TENT4B: variants seen among roughly 807,000 people sequenced by gnomAD.
TENT4B encodes PAP associated domain containing 5.
Under a neutral mutation model 75.0 loss-of-function variants are expected in TENT4B, and 10 were observed. The observed-to-expected ratio is 0.13, with a 90% confidence interval of 0.08 to 0.23. The LOEUF is 0.23. TENT4B is among the 10% of genes least tolerant of loss of function. TENT4B has a pLI of 1.00. For synonymous variants in TENT4B, 350 were observed against 357.7 expected (o/e 0.98, Z 0.24); for missense variants, 579 against 893.8 (o/e 0.65, Z 4.49).
intron 1 of TENT4B, among the ~76,000 whole-genome samples, chr16:50,169,015 C>T (rs779075736): frequency 5.3e-5 from 8 of 152,118 alleles, no homozygotes; most frequent in Admixed American, 1.3e-4. Context: ...AAGGCATAAT[C>T]GTAACACCAT....
In TENT4B at chr16:50,217,628, G is replaced by C; in HGVS notation, c.1003G>C (p.Val335Leu). The stretch of plus-strand genomic sequence containing the variant: ...TATCAGCTTTAATGTACAGAATGGC[G>C]TGAGAGCAGCTGACCTCATCAAAGA... ...VDISFNVQNGVRAADLIKDFT... is the reference protein window; with the variant it reads ...VDISFNVQNGLRAADLIKDFT... Residue 335 changes from valine to leucine, a missense_variant, in exon 5 of 12, where the codon GTG (valine) becomes CTG (leucine). Val to Leu is a conservative substitution (Grantham distance 32, BLOSUM62 1). Coordinates refer to ENST00000561678, the MANE Select transcript of TENT4B (RefSeq NM_001365324.3). 1 of 1,534,984 alleles carries C rather than the reference G, an allele frequency of 6.5e-7. No homozygotes were observed. Among genetic ancestry groups the C allele is most frequent in the Non-Finnish European group, 8.7e-7 (1 of 1,143,072 alleles).
chr16:50,219,993 ATT>A (rs71138054), intron 5 of TENT4B, among the ~76,000 whole-genome samples: 85 of 140,052 alleles, frequency 6.1e-4, no homozygotes, highest in Middle Eastern at 3.7e-3. Flanking sequence ...TTTTTTTTTA[ATT>A]TTTTTTTTTT....
chr16:50,153,272 C>T (rs1221602939), upstream of TENT4B, among the ~76,000 whole-genome samples: 1 of 138,648 alleles, frequency 7.2e-6, no homozygotes, highest in Non-Finnish European at 1.6e-5. Flanking sequence ...GCAGGCGCGT[C>T]TCGCTGCCGC....
At chr16:50,169,823 A>G (rs919607059) in intron 1 of TENT4B, among the ~76,000 whole-genome samples, 2 of 152,120 alleles carry the variant, frequency 1.3e-5, no homozygotes, top group Non-Finnish European at 2.9e-5. Context: ...AGTGAACTCT[A>G]CTGGGCTTTT....
chr16:50,176,389 A>G (rs1342834452), intron 1 of TENT4B, among the ~76,000 whole-genome samples: 1 of 151,072 alleles, frequency 6.6e-6, no homozygotes, highest in African/African-American at 2.4e-5. Flanking sequence ...CCAGCCTACA[A>G]TTTATTTGTA....
In TENT4B at chr16:50,229,430, G is replaced by C; in HGVS notation, c.*102G>C. 7.2e-7 allele frequency: 1 copy of C among 1,383,556 alleles called. No individual in the cohort carries two copies. The highest frequency in any genetic ancestry group is 9.3e-7 in the Non-Finnish European group (1 of 1,069,608). The allele number at this position is 1,383,556 out of a possible 1,614,324, so 85.7% of individuals were successfully genotyped here. A position where few individuals can be genotyped will look rare whatever the true frequency, so the allele number is the denominator to read the frequency against. On this transcript the variant is annotated 3_prime_UTR_variant, in exon 12 of 12. Transcript: ENST00000561678. The stretch of plus-strand genomic sequence containing the variant: ...ATATTCAGGAGCCTCACACTGTTCA[G>C]ACGTTGACTTAGCAACTGCGTTTTT...
intron 1 of TENT4B, among the ~76,000 whole-genome samples, chr16:50,172,228 G>A (rs1332212569): frequency 6.6e-6 from 1 of 152,020 alleles, no homozygotes; most frequent in African/African-American, 2.4e-5. Flanking sequence ...GGTGGTGCAT[G>A]CCTGTAATCC....
chr16:50,184,698 A>G (rs933339054), intron 1 of TENT4B, among the ~76,000 whole-genome samples: 3 of 151,882 alleles, frequency 2.0e-5, no homozygotes, highest in African/African-American at 4.8e-5. Context: ...TAATGCTGCC[A>G]TCATGCTTGA....
chr16:50,229,114 A>G (rs1478415366), intron 11 of TENT4B, 38 bp from the exon 12 acceptor site: 34 of 1,602,574 alleles, frequency 2.1e-5, no homozygotes, highest in Non-Finnish European at 2.6e-5. Flanking sequence ...GCTTTTCTGC[A>G]ATACTGATGT....
chr16:50,223,336 C>T lies in TENT4B; in HGVS notation c.1330C>T (p.Leu444=). 6.2e-7 allele frequency: 1 copy of T among 1,613,586 alleles called. No individual in the cohort carries two copies. Residue 444 remains leucine, a synonymous_variant, in exon 7 of 12, where the codon CTA becomes TTA. Coordinates refer to ENST00000561678, the MANE Select transcript of TENT4B (RefSeq NM_001365324.3). ...CAAAGATGAAGTACAGAAAAATATGCTAGATGGCTACAGGCCATCAATGCT... is the reference window on the plus strand; with the variant it reads ...CAAAGATGAAGTACAGAAAAATATGTTAGATGGCTACAGGCCATCAATGCT... ...VAKDEVQKNM[L]DGYRPSMLYI...
At chr16:50,155,509 A>G (rs1025424829) in intron 1 of TENT4B, among the ~76,000 whole-genome samples, 1 of 152,220 alleles carries the variant, frequency 6.6e-6, no homozygotes, top group South Asian at 2.1e-4. Flanking sequence ...TCTGGATAAA[A>G]TGAGTTGGTG....
intron 1 of TENT4B, among the ~76,000 whole-genome samples, chr16:50,183,873 C>T (rs374913330): frequency 2.8e-4 from 43 of 152,126 alleles, no homozygotes; most frequent in African/African-American, 5.3e-4. Flanking sequence ...GGTGAAACCC[C>T]GTCTCTACTA....
chr16:50,224,582 T>C (rs1191814293), intron 7 of TENT4B, 75 bp from the exon 8 acceptor site: 5 of 1,578,142 alleles, frequency 3.2e-6, no homozygotes, highest in Non-Finnish European at 4.3e-6. Context: ...CTTGCTCTCC[T>C]GGAAGAGAGT....
intron 1 of TENT4B, among the ~76,000 whole-genome samples, chr16:50,194,142 A>G (rs1255626980): frequency 2.0e-5 from 3 of 150,824 alleles, no homozygotes; most frequent in Non-Finnish European, 4.4e-5. Context: ...ATTGATTTTC[A>G]TAAATTTTTT....
rs930298713 is a variant in TENT4B, at chr16:50,153,395, G to C, written c.-227G>C. On this transcript the variant is annotated 5_prime_UTR_variant, in exon 1 of 12. Transcript: ENST00000561678. Reference sequence around the variant, plus strand: ...CGGAGGGGCGGAGGGGCGGAGGGAGGGGGGGAGGGCCCGCGGAGCCCCCGA... The same window carrying C: ...CGGAGGGGCGGAGGGGCGGAGGGAGCGGGGGAGGGCCCGCGGAGCCCCCGA... Among the ~76,000 whole-genome samples, 9 of 146,410 alleles carry C rather than the reference G, an allele frequency of 6.1e-5. No individual in the cohort carries two copies. Among genetic ancestry groups the C allele is most frequent in the African/African-American group, 2.2e-4 (9 of 40,852 alleles).
rs896911788 is a variant in TENT4B, at chr16:50,214,110, A to T, written c.763-111A>T. On this transcript the variant is annotated intron_variant, in intron 2 of 11. Coordinates refer to ENST00000561678, the MANE Select transcript of TENT4B (RefSeq NM_001365324.3). ...GAAAAAAATGCTCTTGTCATACCAAAAAGTACCAGTAGAGGGTAGCAAAAA... is the reference window on the plus strand; with the variant it reads ...GAAAAAAATGCTCTTGTCATACCAATAAGTACCAGTAGAGGGTAGCAAAAA... The T allele has an allele frequency of 5.4e-5, 42 of 778,250 alleles. No individual in the cohort carries two copies. The South Asian group carries it at 6.9e-4, about 13-fold the overall frequency. The allele number at this position is 778,250 out of a possible 1,614,324, so 48.2% of individuals were successfully genotyped here.
rs1334306265 is a variant in TENT4B at position 50,173,137 on chromosome 16, T to A, written c.638+18878T>A. On this transcript the variant is annotated intron_variant, in intron 1 of 11. Transcript: ENST00000561678. ...GTTTGTATTTTTGGTAAAGGTGGGG[T>A]TTTACCATATTGGTCAGGCTGGTCT... Among the ~76,000 whole-genome samples, 5 of 152,032 alleles carry A rather than the reference T, an allele frequency of 3.3e-5. No homozygotes were observed. The East Asian group carries it at 9.6e-4, about 29-fold the overall frequency.
Position 50,234,650 on chromosome 16 carries a change from T to C in TENT4B, c.*5322T>C. 6.1e-6 allele frequency: 6 copies of C among 985,452 alleles called. No individual in the cohort carries two copies. Among genetic ancestry groups the C allele is most frequent in the Non-Finnish European group, 4.8e-6 (4 of 829,934 alleles). 61.0% of individuals were successfully genotyped at this position (985,452 alleles called of 1,614,324 possible). A position where few individuals can be genotyped will look rare whatever the true frequency, so the allele number is the denominator to read the frequency against. On this transcript the variant is annotated 3_prime_UTR_variant, in exon 12 of 12. Coordinates refer to ENST00000561678, the MANE Select transcript of TENT4B (RefSeq NM_001365324.3). ...ACAGAAGTCACTTTAAAAAAGTCTT[T>C]TGAAAGTCCTACAATCCTAAAATAA...
In TENT4B at chr16:50,227,971, A is replaced by C. The variant is rs1199335973; in HGVS notation, c.1933A>C (p.Thr645Pro). The C allele has an allele frequency of 1.9e-6, 3 of 1,614,024 alleles. No homozygotes were observed. Among genetic ancestry groups the C allele is most frequent in the Non-Finnish European group, 1.7e-6 (2 of 1,179,878 alleles). The change falls in exon 11 of 12, where the codon ACT becomes CCT. Residue 645 changes from threonine to proline, a missense_variant. Thr to Pro is a conservative substitution (Grantham distance 38). This residue lies in a region of TENT4B where 164 missense variants were observed against 226.5 expected (regional missense o/e 0.72). Transcript: ENST00000561678. ...AVGKMQSTQT[T>P]NTSNSTNKSQ... is the part of the protein sequence containing the mutation. Reference sequence around the variant, plus strand: ...TGGGAAAATGCAAAGCACCCAAACCACTAACACATCCAACAGCACCAACAA... The same window carrying C: ...TGGGAAAATGCAAAGCACCCAAACCCCTAACACATCCAACAGCACCAACAA...
Sources: allele counts gnomAD v4.1 joint callset (sites outside exome capture counted in the v4.1 genomes callset), GRCh38; gene constraint gnomAD v4.1.1; regional missense constraint gnomAD v4.1.1; transcripts MANE v1.5; gene names NCBI Gene and HGNC (gene_info 2026-07-23, HGNC 2026-07-21).